The following RYR2 variants were observed in gnomAD, a reference collection of about 807,000 sequenced individuals.
RYR2 encodes the protein ryanodine receptor 2.
Under a neutral mutation model 601.1 loss-of-function variants are expected in RYR2, and 227 were observed. The ratio of observed to expected loss-of-function variants is 0.38; its 90% confidence interval spans 0.34 to 0.42. The LOEUF (loss-of-function observed/expected upper bound fraction) is 0.42, where lower values mean the gene tolerates loss of function less well. Among genes scored for constraint, RYR2 ranks in the 10% least tolerant of loss-of-function variants. The probability of loss-of-function intolerance (pLI) is 1.00; values close to 1 mark genes in which losing one functional copy is unlikely to be tolerated. For synonymous variants in RYR2, 2,223 were observed against 2,175.1 expected, an observed-to-expected ratio of 1.02 and a Z score of -0.61; for missense variants, 4,646 against 6,156.5, an observed-to-expected ratio of 0.75 and a Z score of 8.21.
chr1:237,472,021 T>C (rs4397648), intron 17 of RYR2, among the ~76,000 whole-genome samples: 73,857 of 151,992 alleles, frequency 0.49, 19,026 homozygotes, highest in East Asian at 0.71. Context: ...CCATGATACT[T>C]TGTAGCTCTT....
At chr1:237,769,798 G>C (rs1383345312) in intron 84 of RYR2, among the ~76,000 whole-genome samples, 1 of 104,782 alleles carries the variant, frequency 9.5e-6, no homozygotes, top group Non-Finnish European at 2.0e-5. Context: ...TTGTCATTTT[G>C]CTTTCTAAAC....
At chr1:237,722,684 C>T (rs1332765924) in intron 73 of RYR2, among the ~76,000 whole-genome samples, 1 of 152,096 alleles carries the variant, frequency 6.6e-6, no homozygotes, top group Non-Finnish European at 1.5e-5. Context: ...CCGCCCACCT[C>T]GGCCTCCCAA....
At chr1:237,553,000 A>G (rs893878437) in intron 27 of RYR2, among the ~76,000 whole-genome samples, 3 of 152,040 alleles carry the variant, frequency 2.0e-5, no homozygotes, top group African/African-American at 7.2e-5. Flanking sequence ...TAGAAGAACC[A>G]TGTCAGGTAT....
intron 1 of RYR2, among the ~76,000 whole-genome samples, chr1:237,182,332 G>C (rs987289283): frequency 4.6e-5 from 7 of 152,016 alleles, no homozygotes; most frequent in African/African-American, 1.4e-4. Context: ...ATGTTGGCCA[G>C]GATGGTCTCA....
At chr1:237,510,289 C>T (rs553916524) in intron 23 of RYR2, among the ~76,000 whole-genome samples, 39 of 152,100 alleles carry the variant, frequency 2.6e-4, no homozygotes, top group African/African-American at 9.4e-4. Context: ...AGGGAATCTG[C>T]GCAGATTTCT....
intron 44 of RYR2, among the ~76,000 whole-genome samples, chr1:237,637,054 G>C (rs1206667864): frequency 1.3e-5 from 2 of 152,126 alleles, no homozygotes; most frequent in African/African-American, 4.8e-5. Flanking sequence ...ACTGCAAAGG[G>C]CCCAGGGAGC....
At chr1:237,670,679 G>A (rs1684850474) in intron 58 of RYR2, among the ~76,000 whole-genome samples, 1 of 152,052 alleles carries the variant, frequency 6.6e-6, no homozygotes, top group Admixed American at 6.5e-5. Flanking sequence ...ATAATAAGCA[G>A]CTATCTTATT....
chr1:237,380,393 T>TTGTAA (rs1558718107), intron 8 of RYR2, among the ~76,000 whole-genome samples: 7 of 40,684 alleles, frequency 1.7e-4, no homozygotes, highest in Non-Finnish European at 2.6e-4. Flanking sequence ...TATATATATA[T>TTGTAA]ATATATATAT....
intron 1 of RYR2, among the ~76,000 whole-genome samples, chr1:237,055,380 T>G (rs1447404368): frequency 6.6e-6 from 1 of 152,028 alleles, no homozygotes; most frequent in Non-Finnish European, 1.5e-5. Context: ...GGGCAGCAAT[T>G]TATAAGATAA....
intron 24 of RYR2, among the ~76,000 whole-genome samples, chr1:237,516,425 C>G (rs750074627): frequency 6.6e-6 from 1 of 152,076 alleles, no homozygotes; most frequent in Non-Finnish European, 1.5e-5. Context: ...GGCCAATCTT[C>G]CCAAGTTCTA....
At chr1:237,596,926 A>G (rs1231577373) in intron 34 of RYR2, among the ~76,000 whole-genome samples, 1 of 152,244 alleles carries the variant, frequency 6.6e-6, no homozygotes, top group Non-Finnish European at 1.5e-5. Flanking sequence ...AAATGAAGGA[A>G]AAATAGAGTA....
At chr1:237,710,699 G>GATAGATAGATAGA (rs1688759901) in intron 70 of RYR2, among the ~76,000 whole-genome samples, 2 of 150,528 alleles carry the variant, frequency 1.3e-5, no homozygotes, top group South Asian at 4.2e-4. Flanking sequence ...GATTAGGTAT[G>GATAGATAGATAGA]TAGATAGATA....
At chr1:237,167,869 G>A (rs997780923) in intron 1 of RYR2, among the ~76,000 whole-genome samples, 1 of 152,004 alleles carries the variant, frequency 6.6e-6, no homozygotes, top group Non-Finnish European at 1.5e-5. Flanking sequence ...TGGGACAATA[G>A]GCACATGCCA....
Position 237,785,991 on chromosome 1 carries a change from A to G in RYR2, c.13283A>G (p.Glu4428Gly), listed in dbSNP as rs1254605642. Residue 4428 changes from glutamate to glycine, a missense_variant, in exon 91 of 105, where the codon GAA becomes GGA. Glu to Gly is a moderately conservative substitution (Grantham distance 98, BLOSUM62 -2). This residue lies in a region of RYR2 where 364 missense variants were observed against 442.9 expected (regional missense o/e 0.82). Transcript: ENST00000366574. ...AAGGAACAGAAGGCAAAAGAAGAAG[A>G]AAAGGAAGAAAAAGAAGAAACCAAA... is the stretch of plus-strand genomic sequence containing the variant. ...KFQEQKAKEEEKEEKEETKSE... is the reference protein window; with the variant it reads ...KFQEQKAKEEGKEEKEETKSE... 1.3e-6 allele frequency: 2 copies of G among 1,591,606 alleles called. No homozygotes were observed. Among genetic ancestry groups the G allele is most frequent in the Admixed American group, 3.5e-5 (2 of 56,474 alleles).
rs1420437044 is a variant in RYR2, at chr1:237,106,310, A to G, written c.48+63741A>G. Among the ~76,000 whole-genome samples the G allele has an allele frequency of 1.6e-4, 25 of 152,170 alleles. No homozygotes were observed. Among genetic ancestry groups the G allele is most frequent in the Non-Finnish European group, 2.2e-4 (15 of 68,026 alleles). ...CCCGCTGGGCTGCAGACAGGCTCTG[A>G]TGTGGCTTGCAGCACGGTGGCAGCA... On this transcript the variant is annotated intron_variant, in intron 1 of 104. Coordinates refer to ENST00000366574, the MANE Select transcript of RYR2 (RefSeq NM_001035.3). The surrounding 1 kb of genome is among the most constrained non-coding windows in gnomAD (Gnocchi z 4.4).
At chr1:237,158,837 G>C (rs971547338) in intron 1 of RYR2, among the ~76,000 whole-genome samples, 1 of 152,316 alleles carries the variant, frequency 6.6e-6, no homozygotes, top group African/African-American at 2.4e-5. Flanking sequence ...CTAAGACTGA[G>C]GCCCATAGTC....
intron 1 of RYR2, among the ~76,000 whole-genome samples, chr1:237,218,956 T>C (rs1024500113): frequency 5.3e-5 from 8 of 151,632 alleles, no homozygotes; most frequent in Non-Finnish European, 1.0e-4. Flanking sequence ...GTGGAGCCAG[T>C]CAAGAGGTAG....
At chr1:237,651,739 GA>G (rs1404739503) in intron 51 of RYR2, among the ~76,000 whole-genome samples, 6 of 151,912 alleles carry the variant, frequency 3.9e-5, no homozygotes, top group African/African-American at 1.4e-4. Context: ...GAAATCAATT[GA>G]AAAAAAAGGA....
chr1:237,464,582 C>T (rs535814678), intron 16 of RYR2, among the ~76,000 whole-genome samples: 11 of 152,198 alleles, frequency 7.2e-5, no homozygotes, highest in African/African-American at 2.6e-4. Flanking sequence ...TATCAATCTT[C>T]CTCAAGCTCT....
Sources: allele counts gnomAD v4.1 joint callset (sites outside exome capture counted in the v4.1 genomes callset), GRCh38; gene constraint gnomAD v4.1.1; regional missense constraint gnomAD v4.1.1; non-coding constraint Gnocchi (gnomAD v3.1); transcripts MANE v1.5; gene names NCBI Gene and HGNC (gene_info 2026-07-23, HGNC 2026-07-21).